CALD1: variants seen among roughly 807,000 people sequenced by gnomAD.
The protein encoded by CALD1 is caldesmon 1, also known as caldesmon.
In CALD1, 33 loss-of-function variants were observed where a neutral mutation model predicts 99.9. The observed-to-expected ratio is 0.33, with a 90% CI of 0.25 to 0.44. The LOEUF (loss-of-function observed/expected upper bound fraction) is 0.44, where lower values mean the gene tolerates loss of function less well. Ranked by LOEUF, CALD1 falls within the 20% of genes least tolerant of loss-of-function variation. The pLI is 1.00. For synonymous variants in CALD1, 310 were observed against 325.0 expected, an observed-to-expected ratio of 0.95 and a Z score of 0.50; for missense variants, 861 against 962.1, an observed-to-expected ratio of 0.89 and a Z score of 1.39.
At chr7:134,727,924 A>T in the CALD1 span, among the ~76,000 whole-genome samples, 6 of 152,112 alleles carry the variant, frequency 3.9e-5, no homozygotes, top group South Asian at 1.0e-3. Context: ...GCTAATGAGT[A>T]GATTTTAGTC....
At chr7:134,797,156 T>C (rs1366282749) in intron 1 of CALD1, among the ~76,000 whole-genome samples, 1 of 152,162 alleles carries the variant, frequency 6.6e-6, no homozygotes, top group Non-Finnish European at 1.5e-5. Flanking sequence ...GTTTAAAAAC[T>C]TTATTTTTTG....
At chr7:134,749,331 G>A (rs1308189767) in intron 1 of CALD1, among the ~76,000 whole-genome samples, 1 of 152,222 alleles carries the variant, frequency 6.6e-6, no homozygotes, top group East Asian at 1.9e-4. Flanking sequence ...TAAGAAGCAA[G>A]GCCAGGGGCC....
chr7:134,716,399 T>C, the CALD1 span, among the ~76,000 whole-genome samples: 1 of 152,226 alleles, frequency 6.6e-6, no homozygotes, highest in Non-Finnish European at 1.5e-5. Context: ...TTGTGAAATT[T>C]TGATAGCTCC....
the CALD1 span, among the ~76,000 whole-genome samples, chr7:134,717,104 C>T: frequency 3.3e-5 from 5 of 152,068 alleles, no homozygotes; most frequent in Non-Finnish European, 5.9e-5. Flanking sequence ...CAGTGAGTTC[C>T]GTCTCTTTCC....
the CALD1 span, among the ~76,000 whole-genome samples, chr7:134,725,935 C>T: frequency 6.6e-6 from 1 of 152,194 alleles, no homozygotes; most frequent in East Asian, 1.9e-4. Flanking sequence ...CTTCTAAAAC[C>T]TCTATGGGGT....
chr7:134,772,045 T>C (rs773552959), intron 1 of CALD1, among the ~76,000 whole-genome samples: 8 of 151,918 alleles, frequency 5.3e-5, no homozygotes, highest in Non-Finnish European at 1.2e-4. Context: ...TGGCATGTGG[T>C]AGAAACTCAG....
In CALD1 at chr7:134,899,239, T is replaced by C. The variant is rs375785935; in HGVS notation, c.72-29515T>C. Among the ~76,000 whole-genome samples the C allele has an allele frequency of 4.6e-5, 7 of 150,768 alleles. No homozygotes were observed. In the East Asian group the frequency reaches 1.4e-3, roughly 30 times the overall value. ...TTTTTTTTTTGAGATAGAGTTTCACTCTTGTTGAGGCTGGAGTGCAATGGC... is the reference window on the plus strand; with the variant it reads ...TTTTTTTTTTGAGATAGAGTTTCACCCTTGTTGAGGCTGGAGTGCAATGGC... On this transcript the variant is annotated intron_variant, in intron 3 of 14. Coordinates refer to ENST00000361675, the MANE Select transcript of CALD1 (RefSeq NM_033138.4).
intron 1 of CALD1, among the ~76,000 whole-genome samples, chr7:134,803,316 C>T (rs1798015621): frequency 6.6e-6 from 1 of 151,944 alleles, no homozygotes; most frequent in Non-Finnish European, 1.5e-5. Context: ...TATTTTCTCC[C>T]AGTCAGTGGC....
chr7:134,805,870 C>T (rs1798117553), intron 1 of CALD1, among the ~76,000 whole-genome samples: 1 of 152,206 alleles, frequency 6.6e-6, no homozygotes, highest in South Asian at 2.1e-4. Context: ...AAGTGATTCT[C>T]CTGCCTCAGC....
At chr7:134,906,093 C>A (rs1349820651) in intron 3 of CALD1, among the ~76,000 whole-genome samples, 7 of 151,860 alleles carry the variant, frequency 4.6e-5, no homozygotes, top group Admixed American at 4.6e-4. Flanking sequence ...CCATGCCTGG[C>A]TAATTTTTGT....
chr7:134,762,305 T>C (rs1196814137), intron 1 of CALD1, among the ~76,000 whole-genome samples: 1 of 152,180 alleles, frequency 6.6e-6, no homozygotes, highest in Non-Finnish European at 1.5e-5. Flanking sequence ...TAAATAGATA[T>C]ATTCTATGGC....
intron 3 of CALD1, among the ~76,000 whole-genome samples, chr7:134,868,825 C>T (rs1043633763): frequency 1.1e-5 from 1 of 89,720 alleles, no homozygotes; most frequent in Non-Finnish European, 2.9e-5. Context: ...CAAATCCTAG[C>T]TCTGCCATTT....
chr7:134,884,733 G>C (rs1321501047), intron 3 of CALD1, among the ~76,000 whole-genome samples: 2 of 151,616 alleles, frequency 1.3e-5, no homozygotes, highest in Admixed American at 6.6e-5. Flanking sequence ...CTTCACTCCA[G>C]AGAAAAAATG....
At chr7:134,789,644 T>A (rs11980823) in intron 1 of CALD1, among the ~76,000 whole-genome samples, 47,547 of 152,052 alleles carry the variant, frequency 0.31, 7,956 homozygotes, top group East Asian at 0.63. Flanking sequence ...GGCTACCTGT[T>A]AGCGTGGGGC....
At chr7:134,962,304 AG>A (rs1404754809) in intron 13 of CALD1, 1 of 152,204 alleles carries the variant, frequency 6.6e-6, no homozygotes, top group Non-Finnish European at 1.4e-5. Context: ...AACTGTATCC[AG>A]GTTTCCACAG....
upstream of CALD1, among the ~76,000 whole-genome samples, chr7:134,741,295 AG>A (rs1462208045): frequency 6.6e-6 from 1 of 152,196 alleles, no homozygotes; most frequent in Non-Finnish European, 1.5e-5. Context: ...AGAAGTGAAG[AG>A]GGGGAAAAGC....
At chr7:134,941,558 T>C (rs900004383) in intron 7 of CALD1, among the ~76,000 whole-genome samples, 1 of 152,244 alleles carries the variant, frequency 6.6e-6, no homozygotes, top group African/African-American at 2.4e-5. Context: ...ACATTATAAC[T>C]GGGATTCATG....
At chr7:134,742,930 C>T (rs945351217), upstream of CALD1, among the ~76,000 whole-genome samples, 8 of 152,150 alleles carry the variant, frequency 5.3e-5, no homozygotes, top group African/African-American at 1.9e-4. Flanking sequence ...AGAGGTCCAC[C>T]AGATATGGAG....
At chr7:134,731,469 A>C in the CALD1 span, among the ~76,000 whole-genome samples, 634 of 152,242 alleles carry the variant, frequency 4.2e-3, 19 homozygotes, top group Non-Finnish European at 1.9e-3. Flanking sequence ...AATATTATTA[A>C]AGATCAGTGA....
Sources: allele counts gnomAD v4.1 joint callset (sites outside exome capture counted in the v4.1 genomes callset), GRCh38; gene constraint gnomAD v4.1.1; transcripts MANE v1.5; gene names NCBI Gene and HGNC (gene_info 2026-07-23, HGNC 2026-07-21).